The following SLC25A21 variants were observed in gnomAD, a reference collection of about 807,000 sequenced individuals.
The protein encoded by SLC25A21 is solute carrier family 25 member 21, also known as mitochondrial 2-oxodicarboxylate carrier.
A neutral mutation model predicts 43.8 loss-of-function variants in SLC25A21; 47 were observed. That is an observed-to-expected ratio of 1.07 (90% CI 0.85 to 1.37). The LOEUF is 1.37. Ranked by LOEUF, SLC25A21 falls within the 40% of genes most tolerant of loss-of-function variation. The pLI, the probability that SLC25A21 is intolerant of heterozygous loss-of-function variation, is 0.00. For synonymous variants in SLC25A21, 131 were observed against 121.3 expected (o/e 1.08, Z -0.52); for missense variants, 352 against 350.2 (o/e 1.00, Z -0.04).
intron 2 of SLC25A21, among the ~76,000 whole-genome samples, chr14:36,825,445 C>G (rs184582551): frequency 1.3e-5 from 2 of 152,088 alleles, no homozygotes; most frequent in Non-Finnish European, 2.9e-5. Flanking sequence ...TGAATTAATC[C>G]GACCTAGTAG....
chr14:36,967,152 T>C (rs1051128534), intron 1 of SLC25A21, among the ~76,000 whole-genome samples: 15 of 152,204 alleles, frequency 9.9e-5, no homozygotes, highest in African/African-American at 3.1e-4. Context: ...TCTACATACA[T>C]CACTACTAAC....
At position 36,801,238 on chromosome 14, in the gene SLC25A21, C is replaced by T. The variant is rs574773409; in HGVS notation, c.203+12680G>A. ...CTTTCCAACTGCTGGAGTTTTTCCC[C>T]CTAGGTTTCTTGGAGTTTCCTCCTG... is the stretch of plus-strand genomic sequence containing the variant. On this transcript the variant is annotated intron_variant, in intron 3 of 9. Coordinates refer to ENST00000331299, the MANE Select transcript of SLC25A21 (RefSeq NM_030631.4). Among the ~76,000 whole-genome samples the T allele has an allele frequency of 5.3e-5, 8 of 152,268 alleles. No homozygotes were observed. In the South Asian group the frequency reaches 1.7e-3, roughly 32 times the overall value.
intron 1 of SLC25A21, among the ~76,000 whole-genome samples, chr14:36,944,952 T>C (rs1329404713): frequency 6.6e-6 from 1 of 152,190 alleles, no homozygotes; most frequent in African/African-American, 2.4e-5. Flanking sequence ...ATAACACTGC[T>C]GGTACAGTTG....
intron 1 of SLC25A21, among the ~76,000 whole-genome samples, chr14:37,149,894 C>CCAT (rs1963729844): frequency 6.6e-6 from 1 of 152,084 alleles, no homozygotes; most frequent in African/African-American, 2.4e-5. Context: ...AGTTATACTG[C>CCAT]CATCTTGTGG....
chr14:37,084,733 C>G (rs1272697687), intron 1 of SLC25A21, among the ~76,000 whole-genome samples: 2 of 152,110 alleles, frequency 1.3e-5, no homozygotes, highest in Non-Finnish European at 2.9e-5. Flanking sequence ...ACTTTGGGTA[C>G]AGTTTGTGTC....
At chr14:36,739,377 C>T (rs963670203) in intron 3 of SLC25A21, among the ~76,000 whole-genome samples, 10 of 152,202 alleles carry the variant, frequency 6.6e-5, no homozygotes, top group African/African-American at 2.4e-4. Context: ...GACTTTTGCC[C>T]TTAAGAGGCA....
rs536252899 is a variant in SLC25A21 at position 37,134,065 on chromosome 14, T to C, written c.70+38216A>G. 1.2e-4 allele frequency among the ~76,000 whole-genome samples: 19 copies of C among 152,306 alleles called. No homozygotes were observed. In the South Asian group the frequency reaches 3.1e-3, roughly 25 times the overall value. On this transcript the variant is annotated intron_variant, in intron 1 of 9. Transcript: ENST00000331299. ...AACATCCCAGGAAGATAAGTAGCTA[T>C]TGAGATCATCTAATCAAAAAGCTAT...
At chr14:36,832,583 C>T (rs1889075318) in intron 2 of SLC25A21, among the ~76,000 whole-genome samples, 1 of 152,132 alleles carries the variant, frequency 6.6e-6, no homozygotes, top group Admixed American at 6.5e-5. Flanking sequence ...GTGGTTATTA[C>T]ACCTTTTCAT....
At chr14:36,929,557 T>C (rs901479640) in intron 1 of SLC25A21, among the ~76,000 whole-genome samples, 1 of 152,170 alleles carries the variant, frequency 6.6e-6, no homozygotes, top group Non-Finnish European at 1.5e-5. Context: ...TGTGTGATTA[T>C]GGAAAAGTGA....
Position 36,733,381 on chromosome 14 carries a change from G to A in SLC25A21, c.270+1126C>T, listed in dbSNP as rs561203146. ...TCCTTATAACAAAATTTGTATTGAAGTGATACTATAAAATCACAAAACCTA... is the reference window on the plus strand; with the variant it reads ...TCCTTATAACAAAATTTGTATTGAAATGATACTATAAAATCACAAAACCTA... On this transcript the variant is annotated intron_variant, in intron 4 of 9. Coordinates refer to ENST00000331299, the MANE Select transcript of SLC25A21 (RefSeq NM_030631.4). Among the ~76,000 whole-genome samples, 125 of 152,266 alleles carry A rather than the reference G, an allele frequency of 8.2e-4. No individual in the cohort carries two copies. The Middle Eastern group carries it at 0.017, about 21-fold the overall frequency.
intron 1 of SLC25A21, among the ~76,000 whole-genome samples, chr14:36,907,829 T>C (rs1440425229): frequency 6.6e-6 from 1 of 152,194 alleles, no homozygotes; most frequent in African/African-American, 2.4e-5. Flanking sequence ...AAAATATTTG[T>C]ATTAGGGCAG....
chr14:36,796,407 TTCTC>T (rs1477888852), intron 3 of SLC25A21, among the ~76,000 whole-genome samples: 19 of 151,888 alleles, frequency 1.3e-4, no homozygotes, highest in African/African-American at 2.4e-4. Flanking sequence ...CTTTCTTTCT[TTCTC>T]TCTCTTTCTT....
intron 1 of SLC25A21, among the ~76,000 whole-genome samples, chr14:36,924,514 T>C (rs901040543): frequency 6.8e-6 from 1 of 147,114 alleles, no homozygotes; most frequent in Non-Finnish European, 1.5e-5. Flanking sequence ...CATCACACAC[T>C]GGGGCCTGTT....
intron 1 of SLC25A21, among the ~76,000 whole-genome samples, chr14:37,115,574 A>G (rs976853886): frequency 4.6e-5 from 7 of 152,302 alleles, no homozygotes; most frequent in Middle Eastern, 3.4e-3. Flanking sequence ...AACACTAACA[A>G]TTCAATATTG....
chr14:36,711,618 C>A, intron 6 of SLC25A21, 136 bp from the exon 7 acceptor site: 1 of 936,790 alleles, frequency 1.1e-6, no homozygotes, highest in East Asian at 3.0e-5. Context: ...ATGCCTAGAA[C>A]TGTGTTTTTT....
At chr14:37,057,867 T>C (rs1209116190) in intron 1 of SLC25A21, among the ~76,000 whole-genome samples, 2 of 152,216 alleles carry the variant, frequency 1.3e-5, no homozygotes, top group African/African-American at 4.8e-5. Flanking sequence ...AATAAATTAA[T>C]ATCTAGAACA....
intron 1 of SLC25A21, among the ~76,000 whole-genome samples, chr14:36,948,585 C>A (rs79526528): frequency 0.068 from 10,373 of 152,118 alleles, 505 homozygotes; most frequent in Middle Eastern, 0.16. Context: ...AAGCAGAGTA[C>A]AGTTACTCCA....
At chr14:36,831,807 T>C in intron 2 of SLC25A21, among the ~76,000 whole-genome samples, 1 of 152,298 alleles carries the variant, frequency 6.6e-6, no homozygotes, top group East Asian at 1.9e-4. Context: ...TGCCTACAAA[T>C]CTAGCAAACT....
intron 3 of SLC25A21, among the ~76,000 whole-genome samples, chr14:36,736,675 A>C (rs535407485): frequency 3.5e-4 from 53 of 152,206 alleles, no homozygotes; most frequent in African/African-American, 1.3e-3. Flanking sequence ...TTTAAAACAG[A>C]GTGTCCAGAT....
Sources: allele counts gnomAD v4.1 joint callset (sites outside exome capture counted in the v4.1 genomes callset), GRCh38; gene constraint gnomAD v4.1.1; transcripts MANE v1.5; gene names NCBI Gene and HGNC (gene_info 2026-07-23, HGNC 2026-07-21).